MED13L: variants seen among roughly 807,000 people sequenced by gnomAD.
MED13L encodes mediator of RNA polymerase II transcription subunit 13-like.
A neutral mutation model predicts 220.9 loss-of-function variants in MED13L; 7 were observed. That is an observed-to-expected ratio of 0.03 (90% CI 0.02 to 0.06). The LOEUF is 0.06. MED13L is among the 10% of genes least tolerant of loss of function. The pLI, the probability that MED13L is intolerant of heterozygous loss-of-function variation, is 1.00. For synonymous variants in MED13L, 1,011 were observed against 1,015.2 expected, an observed-to-expected ratio of 1.00 and a Z score of 0.08; for missense variants, 1,965 against 2,760.5, an observed-to-expected ratio of 0.71 and a Z score of 6.46.
intron 2 of MED13L, among the ~76,000 whole-genome samples, chr12:116,184,859 A>C (rs569088363): frequency 1.5e-4 from 23 of 152,332 alleles, no homozygotes; most frequent in African/African-American, 5.5e-4. Context: ...TTTGACAATC[A>C]CTACCAAATA....
intron 1 of MED13L, among the ~76,000 whole-genome samples, chr12:116,246,555 G>C (rs555998815): frequency 6.6e-6 from 1 of 150,924 alleles, no homozygotes; most frequent in East Asian, 2.0e-4. Context: ...GCTCATGTCT[G>C]TAATGCCAGC....
chr12:115,966,034 C>T (rs768326087), intron 29 of MED13L, 48 bp downstream of exon 29: 17 of 1,595,722 alleles, frequency 1.1e-5, no homozygotes, highest in Middle Eastern at 1.8e-4. Context: ...TAAATTTAAG[C>T]GTAAATCACT....
chr12:116,194,527 T>C (rs1881497033), intron 2 of MED13L, among the ~76,000 whole-genome samples: 1 of 152,208 alleles, frequency 6.6e-6, no homozygotes, highest in Non-Finnish European at 1.5e-5. Context: ...TCAGGACTAC[T>C]TCATCTACAA....
chr12:116,145,391 C>A, intron 2 of MED13L, among the ~76,000 whole-genome samples: 1 of 152,186 alleles, frequency 6.6e-6, no homozygotes, highest in Non-Finnish European at 1.5e-5. Flanking sequence ...CTTGGCCTAG[C>A]TCATCTAAAA....
intron 2 of MED13L, among the ~76,000 whole-genome samples, chr12:116,129,684 G>A (rs1362123191): frequency 4.6e-5 from 7 of 152,126 alleles, no homozygotes; most frequent in Non-Finnish European, 8.8e-5. Context: ...CAAGGTGGGC[G>A]GATCACCCAA....
At chr12:116,074,396 A>C (rs1392956925) in intron 4 of MED13L, among the ~76,000 whole-genome samples, 1 of 152,230 alleles carries the variant, frequency 6.6e-6, no homozygotes, top group South Asian at 2.1e-4. Context: ...CTCTGCCTCA[A>C]AACAACAACA....
chr12:116,251,068 A>T (rs1871507356), intron 1 of MED13L, among the ~76,000 whole-genome samples: 2 of 151,572 alleles, frequency 1.3e-5, no homozygotes, highest in Non-Finnish European at 2.9e-5. Context: ...TATATCTAAT[A>T]AGCCAATTAT....
intron 1 of MED13L, among the ~76,000 whole-genome samples, chr12:116,268,635 A>C (rs1173315758): frequency 6.6e-6 from 1 of 152,146 alleles, no homozygotes; most frequent in African/African-American, 2.4e-5. Context: ...TCCCAGCAAA[A>C]AAAAAAAAAC....
intron 2 of MED13L, among the ~76,000 whole-genome samples, chr12:116,172,236 G>A (rs1376845219): frequency 6.6e-6 from 1 of 152,018 alleles, no homozygotes; most frequent in Non-Finnish European, 1.5e-5. Flanking sequence ...CTCTAAAAAA[G>A]AACCCAAGAG....
chr12:116,062,805 C>G (rs767390589), intron 4 of MED13L, among the ~76,000 whole-genome samples: 5 of 152,048 alleles, frequency 3.3e-5, no homozygotes, highest in Non-Finnish European at 7.4e-5. Flanking sequence ...GGAGTGAAAG[C>G]TTTTTTCACT....
intron 2 of MED13L, among the ~76,000 whole-genome samples, chr12:116,197,845 CT>C: frequency 6.6e-6 from 1 of 151,878 alleles, no homozygotes; most frequent in East Asian, 1.9e-4. Context: ...GAAAGCAACT[CT>C]TTATGATTTT....
chr12:116,178,991 T>G (rs1035851885), intron 2 of MED13L, among the ~76,000 whole-genome samples: 2 of 152,216 alleles, frequency 1.3e-5, no homozygotes, highest in African/African-American at 4.8e-5. Flanking sequence ...CCATTTTGAA[T>G]AGTGTATTCT....
At chr12:116,018,545 C>T (rs1412321760) in intron 7 of MED13L, among the ~76,000 whole-genome samples, 11 of 152,160 alleles carry the variant, frequency 7.2e-5, no homozygotes, top group African/African-American at 2.7e-4. Flanking sequence ...CCTTTCCATA[C>T]TGACCACAGT....
chr12:116,084,059 C>T (rs11609062), intron 4 of MED13L, among the ~76,000 whole-genome samples: 3,115 of 152,254 alleles, frequency 0.02, 31 homozygotes, highest in Middle Eastern at 0.041. Context: ...ATAGAGCATA[C>T]CTTGTATTGT....
chr12:116,272,285 G>A lies in MED13L; in HGVS notation c.72+4775C>T, dbSNP rs574153935. 3.9e-5 allele frequency among the ~76,000 whole-genome samples: 6 copies of A among 152,212 alleles called. No individual in the cohort carries two copies. In the South Asian group the frequency reaches 8.4e-4, roughly 21 times the overall value. On this transcript the variant is annotated intron_variant, in intron 1 of 30. Transcript: ENST00000281928. ...AATACAATTAAAAACCAGGCTGGCC[G>A]GGCGCAGTGGCTCATGCCTGTAATC...
intron 2 of MED13L, among the ~76,000 whole-genome samples, chr12:116,222,376 A>G (rs145916116): frequency 1.3e-5 from 2 of 152,310 alleles, no homozygotes; most frequent in African/African-American, 4.8e-5. Flanking sequence ...ACCTCTCCAT[A>G]GGCGAAGGAT....
intron 2 of MED13L, among the ~76,000 whole-genome samples, chr12:116,119,838 A>AAATAT (rs1555213242): frequency 5.1e-4 from 16 of 31,600 alleles, no homozygotes; most frequent in East Asian, 9.5e-4. Flanking sequence ...AAAAAAAAAA[A>AAATAT]ATATATATAT....
rs570395833 is a variant in MED13L at position 115,963,600 on chromosome 12, G to A, written c.6388-81C>T. 3 of 1,049,744 alleles carry A rather than the reference G, an allele frequency of 2.9e-6. No homozygotes were observed. The East Asian group carries it at 7.6e-5, about 27-fold the overall frequency. 65.0% of individuals were successfully genotyped at this position (1,049,744 alleles called of 1,614,324 possible). A position where few individuals can be genotyped will look rare whatever the true frequency, so the allele number is the denominator to read the frequency against. ...GTGAGGGAGGCCATGTCTGCCAGAA[G>A]CAGATGCTCCCAAAAGTCCGTAGAA... is the stretch of plus-strand genomic sequence containing the variant. On this transcript the variant is annotated intron_variant, in intron 29 of 30. Coordinates refer to ENST00000281928, the MANE Select transcript of MED13L (RefSeq NM_015335.5).
intron 2 of MED13L, among the ~76,000 whole-genome samples, chr12:116,175,923 A>C (rs904378737): frequency 1.3e-5 from 2 of 152,228 alleles, no homozygotes; most frequent in Admixed American, 6.5e-5. Flanking sequence ...AAAAATTCAT[A>C]TGGAAGAGTC....
Sources: allele counts gnomAD v4.1 joint callset (sites outside exome capture counted in the v4.1 genomes callset), GRCh38; gene constraint gnomAD v4.1.1; transcripts MANE v1.5; gene names NCBI Gene and HGNC (gene_info 2026-07-23, HGNC 2026-07-21).